The following BSPH1 variants were observed in gnomAD, a reference collection of about 807,000 sequenced individuals.
The protein encoded by BSPH1 is binder of sperm 1.
BSPH1 carries 21 observed loss-of-function variants against 22.5 expected under a neutral mutation model. The observed-to-expected ratio is 0.93, with a 90% CI of 0.66 to 1.35. The LOEUF is 1.35. BSPH1 is among the 40% of genes most tolerant of loss of function. BSPH1 has a pLI of 0.00. For missense variants in BSPH1, 141 were observed against 154.2 expected (o/e 0.91, Z 0.45); for synonymous variants, 42 against 53.6 (o/e 0.78, Z 0.95).
intron 5 of BSPH1, among the ~76,000 whole-genome samples, chr19:47,975,804 C>T (rs1257966545): frequency 4.6e-5 from 7 of 151,800 alleles, no homozygotes; most frequent in Admixed American, 3.9e-4. Context: ...TACAGGCACC[C>T]GCCACCACGC....
At chr19:47,986,355 G>C (rs1408792021) in intron 1 of BSPH1, among the ~76,000 whole-genome samples, 1 of 152,176 alleles carries the variant, frequency 6.6e-6, no homozygotes, top group Non-Finnish European at 1.5e-5. Flanking sequence ...GAGGAGTTGG[G>C]GTCCTTGGGT....
chr19:47,969,098 ATTG>A (rs760401394), intron 5 of BSPH1, among the ~76,000 whole-genome samples: 2 of 151,878 alleles, frequency 1.3e-5, no homozygotes, highest in East Asian at 1.9e-4. Flanking sequence ...CCTGGAGACT[ATTG>A]TTGTTGGGGC....
At chr19:47,968,614 C>T (rs757078886) in intron 5 of BSPH1, among the ~76,000 whole-genome samples, 2 of 147,996 alleles carry the variant, frequency 1.4e-5, no homozygotes, top group Non-Finnish European at 3.0e-5. Context: ...GATGGCACCA[C>T]TGCACTGCAG....
At chr19:47,969,198 A>G (rs189700667) in intron 5 of BSPH1, among the ~76,000 whole-genome samples, 1 of 152,180 alleles carries the variant, frequency 6.6e-6, no homozygotes, top group East Asian at 1.9e-4. Flanking sequence ...CTTGTAAATT[A>G]GTTGGACGTG....
At chr19:47,969,438 G>A (rs1969288807) in intron 5 of BSPH1, among the ~76,000 whole-genome samples, 5 of 152,134 alleles carry the variant, frequency 3.3e-5, no homozygotes, top group Admixed American at 3.3e-4. Context: ...ACTGGAAATA[G>A]AAATTTGTGT....
intron 2 of BSPH1, 92 bp from the exon 3 acceptor site, chr19:47,979,691 AG>A: frequency 1.7e-6 from 1 of 580,790 alleles, no homozygotes. Flanking sequence ...TAAAAATGTT[AG>A]TTTAGGAAAA....
At chr19:47,972,422 G>T (rs1282658678) in intron 5 of BSPH1, among the ~76,000 whole-genome samples, 1 of 151,056 alleles carries the variant, frequency 6.6e-6, no homozygotes, top group Non-Finnish European at 1.5e-5. Flanking sequence ...GGTAATTTTT[G>T]TATCATCTCC....
At chr19:47,972,869 C>G (rs1014823919) in intron 5 of BSPH1, among the ~76,000 whole-genome samples, 1 of 151,212 alleles carries the variant, frequency 6.6e-6, no homozygotes, top group African/African-American at 2.4e-5. Context: ...CCACCCCCAC[C>G]CCCACACGTA....
At chr19:47,983,888 G>A (rs990991258) in intron 1 of BSPH1, among the ~76,000 whole-genome samples, 2 of 151,412 alleles carry the variant, frequency 1.3e-5, no homozygotes, top group African/African-American at 4.9e-5. Flanking sequence ...CCAGGCTGGA[G>A]TGTAGTGGCA....
Position 47,983,203 on chromosome 19 carries a change from G to A in BSPH1, c.74-2262C>T, listed in dbSNP as rs77611207. 5.0e-3 allele frequency among the ~76,000 whole-genome samples: 768 copies of A among 152,182 alleles called. 8 individuals carry two copies. The highest frequency in any genetic ancestry group is 0.018 in the African/African-American group (737 of 41,508). On this transcript the variant is annotated intron_variant, in intron 1 of 5. Coordinates refer to ENST00000344839, the MANE Select transcript of BSPH1 (RefSeq NM_001128326.2). ...GTGCCCAGCCTAGTGCTAGGTTCTGGGCTACCCAAAAAGGGAGTGGCTGAA... is the reference window on the plus strand; with the variant it reads ...GTGCCCAGCCTAGTGCTAGGTTCTGAGCTACCCAAAAAGGGAGTGGCTGAA...
chr19:47,978,001 GATATATAT>G (rs10609973), intron 3 of BSPH1, among the ~76,000 whole-genome samples: 105 of 110,450 alleles, frequency 9.5e-4, no homozygotes, highest in Middle Eastern at 4.5e-3. Context: ...GTTAATACAG[GATATATAT>G]ATATATATAT....
In BSPH1 at chr19:47,976,169, T is replaced by C. The variant is rs557949281; in HGVS notation, c.*2+541A>G. 8.3e-5 allele frequency among the ~76,000 whole-genome samples: 12 copies of C among 144,156 alleles called. No individual in the cohort carries two copies. The Middle Eastern group carries it at 0.017, about 206-fold the overall frequency. The allele number at this position is 144,156 out of a possible 152,430, so 94.6% of individuals were successfully genotyped here. On this transcript the variant is annotated intron_variant, in intron 5 of 5. Coordinates refer to ENST00000344839, the MANE Select transcript of BSPH1 (RefSeq NM_001128326.2). ...TTATTTTACTTCATTTATTTTATTT[T>C]AGAGGTGGGTCTCTCTTTCATCACA...
At chr19:47,967,725 C>T (rs536229919), downstream of BSPH1, among the ~76,000 whole-genome samples, 4 of 152,254 alleles carry the variant, frequency 2.6e-5, no homozygotes, top group South Asian at 4.1e-4. Flanking sequence ...AGTTGCATTC[C>T]GAGGTCCTGG....
In BSPH1 at chr19:47,979,892, A is replaced by T. The variant is rs533792436; in HGVS notation, c.95-293T>A. 8.5e-5 allele frequency among the ~76,000 whole-genome samples: 13 copies of T among 152,134 alleles called. No individual in the cohort carries two copies. The South Asian group carries it at 2.3e-3, about 27-fold the overall frequency. On this transcript the variant is annotated intron_variant, in intron 2 of 5. Coordinates refer to ENST00000344839, the MANE Select transcript of BSPH1 (RefSeq NM_001128326.2). ...GTTAAACAGAATGTTTTCCATTTCC[A>T]TCAATGTCCAGTTGGTTCTTATCAG...
At chr19:47,980,490 T>C (rs1047391686) in intron 2 of BSPH1, 5 of 373,104 alleles carry the variant, frequency 1.3e-5, no homozygotes, top group African/African-American at 8.8e-5. Flanking sequence ...TTTTTTTTTT[T>C]TTTTTTTTGA....
intron 1 of BSPH1, among the ~76,000 whole-genome samples, chr19:47,989,640 C>T (rs79210510): frequency 0.12 from 18,504 of 152,136 alleles, 1,270 homozygotes; most frequent in Middle Eastern, 0.2. Context: ...CGAAGCTTAG[C>T]CTATGGCCTC....
intron 2 of BSPH1, chr19:47,980,274 C>G (rs1026509538): frequency 6.6e-6 from 1 of 152,540 alleles, no homozygotes; most frequent in Admixed American, 6.6e-5. Flanking sequence ...ATCAAGTAGG[C>G]ATTAATAAAG....
chr19:47,985,780 A>G lies in BSPH1; in HGVS notation c.74-4839T>C, dbSNP rs542308619. On this transcript the variant is annotated intron_variant, in intron 1 of 5. Transcript: ENST00000344839. Reference sequence around the variant, plus strand: ...AACCTGGGACGTGGAGGTTGCAGTGAGCTGAGATCACACCACTACACTCCA... The same window carrying G: ...AACCTGGGACGTGGAGGTTGCAGTGGGCTGAGATCACACCACTACACTCCA... 3.9e-5 allele frequency among the ~76,000 whole-genome samples: 6 copies of G among 151,914 alleles called. No homozygotes were observed. The South Asian group carries it at 1.2e-3, about 32-fold the overall frequency.
chr19:47,976,661 CA>C, intron 5 of BSPH1, 48 bp downstream of exon 5: 2 of 1,476,720 alleles, frequency 1.4e-6, no homozygotes, highest in Non-Finnish European at 1.8e-6. Context: ...AGGTTCTTTC[CA>C]AGGAGAATGA....
Sources: allele counts gnomAD v4.1 joint callset (sites outside exome capture counted in the v4.1 genomes callset), GRCh38; gene constraint gnomAD v4.1.1; transcripts MANE v1.5; gene names NCBI Gene and HGNC (gene_info 2026-07-23, HGNC 2026-07-21).